Variants in GASK1A observed in about 807,000 individuals in gnomAD.
GASK1A encodes the protein golgi associated kinase 1A.
GASK1A carries 40 observed loss-of-function variants against 41.2 expected under a neutral mutation model. The observed-to-expected ratio is 0.97, with a 90% CI of 0.75 to 1.27. GASK1A has a LOEUF of 1.27. Among genes scored for constraint, GASK1A ranks in the 50% most tolerant of loss-of-function variants. The probability of loss-of-function intolerance (pLI) is 0.00; values close to 1 mark genes in which losing one functional copy is unlikely to be tolerated. For synonymous variants in GASK1A, 316 were observed against 307.1 expected (o/e 1.03, Z -0.30); for missense variants, 678 against 745.1 (o/e 0.91, Z 1.05).
intron 1 of GASK1A, among the ~76,000 whole-genome samples, chr3:42,988,010 G>A (rs1233929407): frequency 4.6e-5 from 1 of 21,638 alleles, no homozygotes; most frequent in Non-Finnish European, 1.5e-4. Flanking sequence ...AAAAAAAAAA[G>A]GGATGGGGGT....
At chr3:43,031,933 G>C (rs6805495) in intron 1 of GASK1A, among the ~76,000 whole-genome samples, 313 of 152,342 alleles carry the variant, frequency 2.1e-3, no homozygotes, top group African/African-American at 7.2e-3. Context: ...TTGGTGATGG[G>C]GACAGACGTG....
chr3:42,995,174 C>T (rs2089362958), intron 1 of GASK1A, among the ~76,000 whole-genome samples: 1 of 152,178 alleles, frequency 6.6e-6, no homozygotes, highest in Admixed American at 6.5e-5. Flanking sequence ...ACAAATCCGC[C>T]TATGTTTCGT....
chr3:43,048,815 G>A (rs1484103610), intron 2 of GASK1A, among the ~76,000 whole-genome samples: 1 of 152,144 alleles, frequency 6.6e-6, no homozygotes, highest in Non-Finnish European at 1.5e-5. Context: ...TGAGCCCTAG[G>A]TTCATGGATG....
chr3:42,982,425 C>G lies in GASK1A; in HGVS notation c.3+2780C>G, dbSNP rs146000554. Among the ~76,000 whole-genome samples, 52 of 152,284 alleles carry G rather than the reference C, an allele frequency of 3.4e-4. No homozygotes were observed. The East Asian group carries it at 9.6e-3, about 28-fold the overall frequency. On this transcript the variant is annotated intron_variant, in intron 1 of 4. Coordinates refer to ENST00000430121, the MANE Select transcript of GASK1A (RefSeq NM_001129908.3). Reference sequence around the variant, plus strand: ...ATCATTTTGGCATATTTCCTATTCTCTTTGAGTATTATTTTAAAGAGCTGA... The same window carrying G: ...ATCATTTTGGCATATTTCCTATTCTGTTTGAGTATTATTTTAAAGAGCTGA...
intron 1 of GASK1A, among the ~76,000 whole-genome samples, chr3:43,002,443 G>A (rs2089414168): frequency 6.6e-6 from 1 of 152,042 alleles, no homozygotes; most frequent in Admixed American, 6.6e-5. Context: ...GTTTTTATTG[G>A]TCCAAGTGAT....
chr3:43,051,804 G>A (rs187459301), intron 2 of GASK1A, among the ~76,000 whole-genome samples: 37 of 152,206 alleles, frequency 2.4e-4, no homozygotes, highest in African/African-American at 7.9e-4. Flanking sequence ...CACCAGACAC[G>A]TCAGATAATG....
chr3:43,048,580 G>A (rs1259225080), intron 2 of GASK1A, among the ~76,000 whole-genome samples: 1 of 152,250 alleles, frequency 6.6e-6, no homozygotes, highest in Non-Finnish European at 1.5e-5. Flanking sequence ...GAACCCAGAT[G>A]AGGGCCCTTG....
At position 43,035,203 on chromosome 3, in the gene GASK1A, C is replaced by G. The variant is rs973463774; in HGVS notation, c.1290+1650C>G. Among the ~76,000 whole-genome samples the G allele has an allele frequency of 8.5e-5, 13 of 152,204 alleles. No homozygotes were observed. In the East Asian group the frequency reaches 9.7e-4, roughly 11 times the overall value. ...CCAAAATGGGGTTGTGCACCCCAACCTCATCCCCTTGAGCCTGACCATTTA... is the reference window on the plus strand; with the variant it reads ...CCAAAATGGGGTTGTGCACCCCAACGTCATCCCCTTGAGCCTGACCATTTA... On this transcript the variant is annotated intron_variant, in intron 2 of 4. Transcript: ENST00000430121.
chr3:43,005,609 A>G (rs2089432047), intron 1 of GASK1A, among the ~76,000 whole-genome samples: 1 of 152,190 alleles, frequency 6.6e-6, no homozygotes, highest in Non-Finnish European at 1.5e-5. Flanking sequence ...GTGCAAGAGT[A>G]GTGATCCTGC....
At chr3:43,053,790 A>T in intron 3 of GASK1A, 147 bp downstream of exon 3, 1 of 961,356 alleles carries the variant, frequency 1.0e-6, no homozygotes, top group Middle Eastern at 2.1e-4. Context: ...AGTTGTTTGA[A>T]TATTTCCAGG....
intron 1 of GASK1A, among the ~76,000 whole-genome samples, chr3:43,030,962 A>G (rs2089572614): frequency 6.6e-6 from 1 of 152,222 alleles, no homozygotes; most frequent in South Asian, 2.1e-4. Context: ...GAGCAAGCAC[A>G]TGCGGGGAAA....
intron 1 of GASK1A, among the ~76,000 whole-genome samples, chr3:43,020,241 G>A (rs976205108): frequency 1.3e-5 from 2 of 152,188 alleles, no homozygotes; most frequent in Non-Finnish European, 2.9e-5. Context: ...ATTACAGTAC[G>A]AACTGTAAAC....
At chr3:43,054,681 A>G (rs779338280) in intron 3 of GASK1A, among the ~76,000 whole-genome samples, 2 of 152,230 alleles carry the variant, frequency 1.3e-5, no homozygotes, top group Non-Finnish European at 1.5e-5. Flanking sequence ...GAGTGCATGC[A>G]TGGGAGTGGG....
Position 43,015,410 on chromosome 3 carries a change from G to A in GASK1A, c.4-16857G>A, listed in dbSNP as rs531925751. ...CAGTGAGAAGTCACAGGTAGGGGCT[G>A]TGTGAAGTCACAGGATCTCTGGCTG... On this transcript the variant is annotated intron_variant, in intron 1 of 4. Coordinates refer to ENST00000430121, the MANE Select transcript of GASK1A (RefSeq NM_001129908.3). Among the ~76,000 whole-genome samples, 102 of 149,952 alleles carry A rather than the reference G, an allele frequency of 6.8e-4. 2 individuals are homozygous for A. Among genetic ancestry groups the A allele is most frequent in the Non-Finnish European group, 1.3e-3 (85 of 67,508 alleles).
intron 2 of GASK1A, among the ~76,000 whole-genome samples, chr3:43,048,900 C>A (rs371751213): frequency 2.0e-5 from 3 of 152,022 alleles, no homozygotes; most frequent in Non-Finnish European, 4.4e-5. Flanking sequence ...ATTCAGGGGG[C>A]GCATCACTTG....
At chr3:43,031,127 A>C (rs1012916839) in intron 1 of GASK1A, among the ~76,000 whole-genome samples, 1 of 152,178 alleles carries the variant, frequency 6.6e-6, no homozygotes, top group Non-Finnish European at 1.5e-5. Context: ...TTAGTAAGTA[A>C]ACTTAATTTG....
At chr3:43,034,801 T>C (rs1419842458) in intron 2 of GASK1A, among the ~76,000 whole-genome samples, 1 of 152,234 alleles carries the variant, frequency 6.6e-6, no homozygotes, top group East Asian at 1.9e-4. Context: ...CATTCCCATA[T>C]AGCAGGAAGC....
chr3:43,020,176 C>G (rs2089514249), intron 1 of GASK1A, among the ~76,000 whole-genome samples: 1 of 151,860 alleles, frequency 6.6e-6, no homozygotes, highest in African/African-American at 2.4e-5. Context: ...GATTGGATTT[C>G]CCCAAAGAAG....
In GASK1A at chr3:43,003,288, A is replaced by T. The variant is rs1046311973; in HGVS notation, c.3+23643A>T. The stretch of plus-strand genomic sequence containing the variant: ...GGCAGGCAGATCGCCTGAGGTCAGG[A>T]GTTCGAGACCAGCCTGGCCAACATG... On this transcript the variant is annotated intron_variant, in intron 1 of 4. Transcript: ENST00000430121. Among the ~76,000 whole-genome samples the T allele has an allele frequency of 2.0e-5, 3 of 152,190 alleles. No homozygotes were observed. The East Asian group carries it at 5.8e-4, about 29-fold the overall frequency.
Sources: allele counts gnomAD v4.1 joint callset (sites outside exome capture counted in the v4.1 genomes callset), GRCh38; gene constraint gnomAD v4.1.1; transcripts MANE v1.5; gene names NCBI Gene and HGNC (gene_info 2026-07-23, HGNC 2026-07-21).